PHLDB3: variants seen among roughly 807,000 people sequenced by gnomAD.
PHLDB3 encodes the protein pleckstrin homology like domain family B member 3, also known as pleckstrin homology-like domain family B member 3.
In PHLDB3, 86 loss-of-function variants were observed where a neutral mutation model predicts 85.7. The observed-to-expected ratio is 1.00, with a 90% CI of 0.84 to 1.20. PHLDB3 has a LOEUF of 1.20. Among genes scored for constraint, PHLDB3 ranks in the 50% most tolerant of loss-of-function variants. The probability of loss-of-function intolerance (pLI) is 0.00; values close to 1 mark genes in which losing one functional copy is unlikely to be tolerated. For missense variants in PHLDB3, 995 were observed against 873.0 expected (o/e 1.14, Z -1.76); for synonymous variants, 376 against 349.8 (o/e 1.07, Z -0.83).
At chr19:43,498,961 C>T (rs1243825300) in intron 4 of PHLDB3, among the ~76,000 whole-genome samples, 3 of 152,104 alleles carry the variant, frequency 2.0e-5, no homozygotes, top group East Asian at 3.9e-4. Context: ...GGAAGGCCAG[C>T]TCGTCCAGCT....
At chr19:43,488,780 A>T (rs528138732) in intron 9 of PHLDB3, among the ~76,000 whole-genome samples, 2 of 151,678 alleles carry the variant, frequency 1.3e-5, no homozygotes, top group South Asian at 4.2e-4. Flanking sequence ...TAAATGAACC[A>T]TGGCTTATGC....
intron 9 of PHLDB3, among the ~76,000 whole-genome samples, chr19:43,490,221 G>A (rs548998778): frequency 9.2e-5 from 14 of 152,044 alleles, no homozygotes; most frequent in Non-Finnish European, 2.1e-4. Flanking sequence ...TTGACATTAG[G>A]TAGTAAATTT....
chr19:43,481,303 C>A (rs573192693), intron 13 of PHLDB3, among the ~76,000 whole-genome samples: 1 of 151,964 alleles, frequency 6.6e-6, no homozygotes, highest in Non-Finnish European at 1.5e-5. Context: ...GGCAACATGG[C>A]GAAACCCCGT....
chr19:43,489,949 G>A (rs148180172), intron 9 of PHLDB3, among the ~76,000 whole-genome samples: 2,768 of 151,078 alleles, frequency 0.018, 62 homozygotes, highest in East Asian at 0.13. Context: ...AGTGGTTGCA[G>A]TGAGCCGAGA....
In PHLDB3 at chr19:43,494,691, G is replaced by A. The variant is rs749094974; in HGVS notation, c.1149+11C>T. 3.5e-5 allele frequency: 56 copies of A among 1,596,270 alleles called. No individual in the cohort carries two copies. The highest frequency in any genetic ancestry group is 4.4e-5 in the Non-Finnish European group (51 of 1,167,268). ...AGATATATGGGGAAACAGAGGCCGT[G>A]GGGGAGGCACCTGCAGGGAGCTGTG... On this transcript the variant is annotated intron_variant, in intron 9 of 15. Coordinates refer to ENST00000292140, the MANE Select transcript of PHLDB3 (RefSeq NM_198850.4).
rs754772323 is a variant in PHLDB3, at chr19:43,504,098, G to C, written c.21C>G (p.Pro7=). MGTRSS[P]EEGTPPPLVP... ...CCAGCGGCGGCGGGGTCCCCTCCTC[G>C]GGGCTGCTTCGCGTCCCCATGGCCG... Residue 7 remains proline, a synonymous_variant, in exon 2 of 16, where the codon CCC becomes CCG. Coordinates refer to ENST00000292140, the MANE Select transcript of PHLDB3 (RefSeq NM_198850.4). The C allele has an allele frequency of 2.7e-4, 430 of 1,605,510 alleles. No homozygotes were observed. The highest frequency in any genetic ancestry group is 3.5e-4 in the Non-Finnish European group (410 of 1,176,588).
intron 13 of PHLDB3, 90 bp from the exon 14 acceptor site, chr19:43,479,683 G>C: frequency 3.5e-6 from 3 of 847,576 alleles, no homozygotes; most frequent in Non-Finnish European, 5.7e-6. Flanking sequence ...ATAGCAGCTT[G>C]CATGTAAGGC....
At position 43,497,754 on chromosome 19, in the gene PHLDB3, C is replaced by T; in HGVS notation, c.657G>A (p.Val219=). The T allele has an allele frequency of 6.4e-7, 1 of 1,551,854 alleles. No homozygotes were observed. The highest frequency in any genetic ancestry group is 2.4e-5 in the East Asian group (1 of 40,928). Residue 219 remains valine (V), a synonymous_variant, in exon 5 of 16, where the codon GTG becomes GTA. Coordinates refer to ENST00000292140, the MANE Select transcript of PHLDB3 (RefSeq NM_198850.4). ...EDQRERLLQG[V]QEMREQLDVA... ...AAGAACCAGATGCCATTACCTCCTGCACACCCTGCAGAAGCCGCTCGCGTT... is the reference window on the plus strand; with the variant it reads ...AAGAACCAGATGCCATTACCTCCTGTACACCCTGCAGAAGCCGCTCGCGTT...
intron 2 of PHLDB3, among the ~76,000 whole-genome samples, chr19:43,502,998 GATCTGT>G (rs371162468): frequency 0.68 from 103,550 of 151,970 alleles, 35,216 homozygotes; most frequent in East Asian, 0.73. Flanking sequence ...CTGTCCACTA[GATCTGT>G]CCACTAGAAT....
chr19:43,476,075 G>A (rs1221148926), intron 15 of PHLDB3, among the ~76,000 whole-genome samples: 2 of 152,180 alleles, frequency 1.3e-5, no homozygotes, highest in Non-Finnish European at 1.5e-5. Flanking sequence ...GCTTACAGGC[G>A]TGAGCCACTG....
intron 14 of PHLDB3, 95 bp downstream of exon 14, chr19:43,479,281 GA>G: frequency 7.8e-7 from 1 of 1,284,168 alleles, no homozygotes. Flanking sequence ...GGGGAACATG[GA>G]AAGTGGGGGC....
chr19:43,489,470 C>T (rs1188069981), intron 9 of PHLDB3, among the ~76,000 whole-genome samples: 1 of 150,478 alleles, frequency 6.6e-6, no homozygotes, highest in Non-Finnish European at 1.5e-5. Context: ...TGTGTCAACA[C>T]AGAATATCTC....
intron 13 of PHLDB3, among the ~76,000 whole-genome samples, chr19:43,481,789 G>A (rs1431790151): frequency 6.7e-6 from 1 of 149,410 alleles, no homozygotes; most frequent in Non-Finnish European, 1.5e-5. Flanking sequence ...GGGAGACCAT[G>A]TCTCAAAAAA....
At position 43,494,825 on chromosome 19, in the gene PHLDB3, A is replaced by C. The variant is rs1224841164; in HGVS notation, c.1036-10T>G. 3.7e-6 allele frequency: 6 copies of C among 1,605,086 alleles called. No individual in the cohort carries two copies. Among genetic ancestry groups the C allele is most frequent in the Non-Finnish European group, 8.5e-7 (1 of 1,175,502 alleles). On this transcript the variant is annotated splice_polypyrimidine_tract_variant and intron_variant, in intron 8 of 15. Coordinates refer to ENST00000292140, the MANE Select transcript of PHLDB3 (RefSeq NM_198850.4). ...TCTGGGTGAACAGCAGCTGCAAGAG[A>C]TGGGGTGAAGTTTCGTGGGAGCAGG... is the stretch of plus-strand genomic sequence containing the variant.
At chr19:43,500,895 G>GTCCCCCC (rs1971570922) in intron 4 of PHLDB3, among the ~76,000 whole-genome samples, 2 of 33,558 alleles carry the variant, frequency 6.0e-5, no homozygotes, top group Non-Finnish European at 1.1e-4. Context: ...CTCCCACTTT[G>GTCCCCCC]CCCCGCCCCC....
intron 4 of PHLDB3, among the ~76,000 whole-genome samples, chr19:43,501,236 T>G (rs1259132880): frequency 7.2e-6 from 1 of 138,474 alleles, no homozygotes; most frequent in Non-Finnish European, 1.5e-5. Flanking sequence ...GCTGCTGGAG[T>G]GCAATGGTGC....
chr19:43,477,837 G>A (rs1970960086), intron 15 of PHLDB3, among the ~76,000 whole-genome samples: 1 of 151,828 alleles, frequency 6.6e-6, no homozygotes, highest in South Asian at 2.1e-4. Context: ...AAAATTAACA[G>A]TGGCTGAAGG....
In PHLDB3 at chr19:43,475,501, C is replaced by T; in HGVS notation, c.1832G>A (p.Arg611His). ...RLTFCVKTYE[R>H]LFYMVAPSPE... Reference sequence around the variant, plus strand: ...GCTCGGAGCCACCATGTAGAAAAGGCGTTCGTAGGTTTTGACGCAGAAGGT... The same window carrying T: ...GCTCGGAGCCACCATGTAGAAAAGGTGTTCGTAGGTTTTGACGCAGAAGGT... Residue 611 changes from arginine to histidine, a missense_variant, in exon 16 of 16, where the codon CGC becomes CAC. By Grantham distance (29) the Arg-to-His change is conservative. Coordinates refer to ENST00000292140, the MANE Select transcript of PHLDB3 (RefSeq NM_198850.4). 6.2e-7 allele frequency: 1 copy of T among 1,613,906 alleles called. No homozygotes were observed.
intron 4 of PHLDB3, among the ~76,000 whole-genome samples, chr19:43,501,175 CTTTT>C (rs59042804): frequency 8.4e-5 from 7 of 83,598 alleles, no homozygotes; most frequent in East Asian, 7.0e-4. Flanking sequence ...TTCTTTTTCT[CTTTT>C]TTTTTTTTTT....
Sources: allele counts gnomAD v4.1 joint callset (sites outside exome capture counted in the v4.1 genomes callset), GRCh38; gene constraint gnomAD v4.1.1; transcripts MANE v1.5; gene names NCBI Gene and HGNC (gene_info 2026-07-23, HGNC 2026-07-21).